Variants in OPLAH observed in about 807,000 individuals in gnomAD.
The protein encoded by OPLAH is 5-oxoprolinase.
OPLAH carries 103 observed loss-of-function variants against 122.8 expected under a neutral mutation model. That is an observed-to-expected ratio of 0.84 (90% CI 0.71 to 0.99). The LOEUF is 0.99. Among genes scored for constraint, OPLAH ranks in the 50% least tolerant of loss-of-function variants. The pLI is 0.00. For missense variants in OPLAH, 1,902 were observed against 1,836.5 expected (o/e 1.04, Z -0.65); for synonymous variants, 875 against 796.0 (o/e 1.10, Z -1.67).
In OPLAH at chr8:144,052,766, C is replaced by T. The variant is rs2129754654; in HGVS notation, c.3153G>A (p.Gln1051=). The T allele has an allele frequency of 6.4e-7, 1 of 1,566,484 alleles. No individual in the cohort carries two copies. Among genetic ancestry groups the T allele is most frequent in the East Asian group, 2.4e-5 (1 of 41,732 alleles). Residue 1051 remains glutamine, a splice_region_variant and synonymous_variant, in exon 22 of 27, where the codon CAG becomes CAA. Coordinates refer to ENST00000618853, the MANE Select transcript of OPLAH (RefSeq NM_017570.5). ...CCCTCGCGCACACACCCCTGCGAAC[C>T]TGGTTGAGTGGGATGTCGCGGCCCA... ...CLVGRDIPLN[Q]GCLAPVRVVI...
At chr8:144,061,888 C>T (rs1835669651), upstream of OPLAH, among the ~76,000 whole-genome samples, 1 of 151,846 alleles carries the variant, frequency 6.6e-6, no homozygotes, top group Admixed American at 6.6e-5. Context: ...GGCGTGGTGG[C>T]ACGCACTTGT....
intron 12 of OPLAH, 66 bp from the exon 13 acceptor site, chr8:144,056,821 C>A: frequency 6.5e-7 from 1 of 1,534,910 alleles, no homozygotes; most frequent in Non-Finnish European, 8.8e-7. Flanking sequence ...ACCCAGCGCC[C>A]GGCAAGGACA....
chr8:144,051,482 C>CGGGGGTGGGGGG lies in OPLAH; in HGVS notation c.3721-11_3721-10insCCCCCCACCCCC. On this transcript the variant is annotated splice_polypyrimidine_tract_variant and intron_variant, in intron 26 of 26. Transcript: ENST00000618853. ...GGAGACAGAACACATCCTGTTGGCGCGGGGGGGGGCGGGGAGGCGGGCTCA... is the reference window on the plus strand; with the variant it reads ...GGAGACAGAACACATCCTGTTGGCGCGGGGGTGGGGGGGGGGGGGGGCGGGGAGGCGGGCTCA... The CGGGGGTGGGGGG allele has an allele frequency of 3.6e-6, 1 of 278,326 alleles. No individual in the cohort carries two copies. The highest frequency in any genetic ancestry group is 5.1e-6 in the Non-Finnish European group (1 of 197,922). 17.2% of individuals were successfully genotyped at this position (278,326 alleles called of 1,614,324 possible). A position where few individuals can be genotyped will look rare whatever the true frequency, so the allele number is the denominator to read the frequency against.
Position 144,056,891 on chromosome 8 carries a change from C to T in OPLAH, c.1706+57G>A, listed in dbSNP as rs1295651254. 5 of 1,524,420 alleles carry T rather than the reference C, an allele frequency of 3.3e-6. No homozygotes were observed. The African/African-American group carries it at 6.9e-5, about 21-fold the overall frequency. The allele number at this position is 1,524,420 out of a possible 1,614,324, so 94.4% of individuals were successfully genotyped here. On this transcript the variant is annotated intron_variant, in intron 12 of 26. Transcript: ENST00000618853. Reference sequence around the variant, plus strand: ...GGGAAGTCATCAGGAGGAACACCCACCAAGGGCGTGGTGAGGACAACGTAA... The same window carrying T: ...GGGAAGTCATCAGGAGGAACACCCATCAAGGGCGTGGTGAGGACAACGTAA...
chr8:144,058,475 G>C, intron 6 of OPLAH, 21 bp downstream of exon 6: 1 of 1,576,396 alleles, frequency 6.3e-7, no homozygotes, highest in Non-Finnish European at 8.6e-7. Context: ...AGTGGGCAGT[G>C]GGGGTGCCTC....
At chr8:144,059,824 C>A in intron 2 of OPLAH, 34 bp from the exon 3 acceptor site, 2 of 1,610,770 alleles carry the variant, frequency 1.2e-6, no homozygotes, top group Non-Finnish European at 1.7e-6. Flanking sequence ...GGGCTTCTGG[C>A]CGTGGGGTCC....
Position 144,052,938 on chromosome 8 carries a change from C to G in OPLAH, c.3019-38G>C, listed in dbSNP as rs782109932. 1.5e-5 allele frequency: 23 copies of G among 1,570,334 alleles called. No individual in the cohort carries two copies. The Admixed American group carries it at 3.2e-4, about 22-fold the overall frequency. ...AGGGAAGGGAGAGGCTGTCAGCGGC[C>G]GCACCGTGCCCCTGCCGCCTAGAGG... On this transcript the variant is annotated intron_variant, in intron 21 of 26. Coordinates refer to ENST00000618853, the MANE Select transcript of OPLAH (RefSeq NM_017570.5).
rs782072624 is a variant in OPLAH, at chr8:144,057,351, C to T, written c.1423-31G>A. On this transcript the variant is annotated intron_variant, in intron 10 of 26. Coordinates refer to ENST00000618853, the MANE Select transcript of OPLAH (RefSeq NM_017570.5). Reference sequence around the variant, plus strand: ...GAGACAGAAGGGGTCAGTGGGCTCTCCTACTCTACCCCATCCAGCCCCCAG... The same window carrying T: ...GAGACAGAAGGGGTCAGTGGGCTCTTCTACTCTACCCCATCCAGCCCCCAG... 2.5e-6 allele frequency: 4 copies of T among 1,592,966 alleles called. No individual in the cohort carries two copies. In the South Asian group the frequency reaches 3.4e-5, roughly 14 times the overall value.
At chr8:144,050,878 T>C (rs1835356275), downstream of OPLAH, 6 of 996,706 alleles carry the variant, frequency 6.0e-6, no homozygotes, top group Non-Finnish European at 7.2e-6. Flanking sequence ...GACCTGGATG[T>C]AGGCACTGCC....
Position 144,059,935 on chromosome 8 carries a change from A to C in OPLAH, c.98T>G (p.Leu33Ter). The C allele has an allele frequency of 6.2e-7, 1 of 1,612,788 alleles. No individual in the cohort carries two copies. Residue 33 changes from leucine to a stop codon, truncating the protein, a stop_gained, in exon 2 of 27, where the codon TTA (leucine) becomes TGA (stop). Transcript: ENST00000618853. LOFTEE classifies it high-confidence loss of function. ...GGCAGGGTCCTCTGAGAGCAGTTTT[A>C]AGACCCGCACGTGCCCCCCTGGGCA... ...AQCPGGHVRV[L>*]KLLSEDPANY...
chr8:144,050,765 G>A (rs782398008), downstream of OPLAH: 9 of 986,762 alleles, frequency 9.1e-6, 1 homozygote, highest in South Asian at 9.3e-5. Flanking sequence ...TGAGGCTCTG[G>A]CTGATGCCGC....
chr8:144,058,153 C>T lies in OPLAH; in HGVS notation c.950-5G>A, dbSNP rs1413020364. ...GGCTCACATCCGTGGACGTGCCTGGCAGGGGTGGGGTGCTGGTGGGTCACT... is the reference window on the plus strand; with the variant it reads ...GGCTCACATCCGTGGACGTGCCTGGTAGGGGTGGGGTGCTGGTGGGTCACT... On this transcript the variant is annotated splice_polypyrimidine_tract_variant and splice_region_variant and intron_variant, in intron 7 of 26. Coordinates refer to ENST00000618853, the MANE Select transcript of OPLAH (RefSeq NM_017570.5). 1 of 1,611,978 alleles carries T rather than the reference C, an allele frequency of 6.2e-7. No homozygotes were observed. The highest frequency in any genetic ancestry group is 1.3e-5 in the African/African-American group (1 of 74,888).
Position 144,059,926 on chromosome 8 carries a change from A to G in OPLAH, c.107T>C (p.Leu36Pro), listed in dbSNP as rs1554760507. Residue 36 changes from leucine (L) to proline (P), a missense_variant, in exon 2 of 27, where the codon CTC (leucine) becomes CCC (proline). Leu to Pro is a moderately conservative substitution (Grantham distance 98). This residue lies in a region of OPLAH where 168 missense variants were observed against 170.6 expected (regional missense o/e 0.98). Coordinates refer to ENST00000618853, the MANE Select transcript of OPLAH (RefSeq NM_017570.5). ...CGCATAGTTGGCAGGGTCCTCTGAG[A>G]GCAGTTTTAAGACCCGCACGTGCCC... ...PGGHVRVLKLLSEDPANYADA... is the reference protein window; with the variant it reads ...PGGHVRVLKLPSEDPANYADA... 2 of 1,612,788 alleles carry G rather than the reference A, an allele frequency of 1.2e-6. No individual in the cohort carries two copies. Among genetic ancestry groups the G allele is most frequent in the South Asian group, 1.1e-5 (1 of 91,090 alleles).
chr8:144,051,922 G>A lies in OPLAH; in HGVS notation c.3616C>T (p.Leu1206Phe). Residue 1206 changes from leucine (L) to phenylalanine (F), a missense_variant, in exon 25 of 27, where the codon CTC becomes TTC. Physicochemically the swap from Leu to Phe is conservative, Grantham distance 22. Around this residue, in one of 3 missense-constraint regions of OPLAH, gnomAD observed 1,726 missense variants for 1,642.1 expected, o/e 1.05. Transcript: ENST00000618853. ...GGGCTGGGGAACCGCGCACCGTGGAGCCCGTATGGCCGGAAGGCGCGGCGC... is the reference window on the plus strand; with the variant it reads ...GGGCTGGGGAACCGCGCACCGTGGAACCCGTATGGCCGGAAGGCGCGGCGC... ...TERRAFRPYG[L>F]HGGEPGARGL... The A allele has an allele frequency of 6.5e-7, 1 of 1,534,032 alleles. No homozygotes were observed. The highest frequency in any genetic ancestry group is 2.4e-5 in the East Asian group (1 of 40,872).
At position 144,053,241 on chromosome 8, in the gene OPLAH, C is replaced by T; in HGVS notation, c.2839G>A (p.Asp947Asn). The change falls in exon 20 of 27, where the codon GAC (aspartate) becomes AAC (asparagine). Residue 947 changes from aspartate to asparagine, a missense_variant. This residue lies in a region of OPLAH where 1,726 missense variants were observed against 1,642.1 expected (regional missense o/e 1.05). Coordinates refer to ENST00000618853, the MANE Select transcript of OPLAH (RefSeq NM_017570.5). ...TGGCCCATGTAGGCCTGCACCACGT[C>T]CAGGCCGTACTGCCCAATGAGCTCC... ...VGELIGQYGL[D>N]VVQAYMGHIQ... The T allele has an allele frequency of 1.2e-6, 2 of 1,612,918 alleles. No homozygotes were observed. The highest frequency in any genetic ancestry group is 8.5e-7 in the Non-Finnish European group (1 of 1,179,812).
chr8:144,057,329 A>G lies in OPLAH; in HGVS notation c.1423-9T>C. The G allele has an allele frequency of 6.2e-7, 1 of 1,608,884 alleles. No individual in the cohort carries two copies. Among genetic ancestry groups the G allele is most frequent in the Non-Finnish European group, 8.5e-7 (1 of 1,178,248 alleles). On this transcript the variant is annotated splice_polypyrimidine_tract_variant and intron_variant, in intron 10 of 26. Coordinates refer to ENST00000618853, the MANE Select transcript of OPLAH (RefSeq NM_017570.5). ...GGGTCATGGCCTCTTGCCTAGGGAG[A>G]CAGAAGGGGTCAGTGGGCTCTCCTA...
chr8:144,058,849 C>A lies in OPLAH; in HGVS notation c.511G>T (p.Ala171Ser). The A allele has an allele frequency of 1.9e-6, 3 of 1,574,360 alleles. No individual in the cohort carries two copies. The highest frequency in any genetic ancestry group is 2.6e-6 in the Non-Finnish European group (3 of 1,161,122). ...LEVQQPVDLG[A>S]LRGKLEGLLS... ...AGCCCCTCCAGCTTCCCACGCAGGGCCCCCAGGTCCACAGGCTGCTGCACT... is the reference window on the plus strand; with the variant it reads ...AGCCCCTCCAGCTTCCCACGCAGGGACCCCAGGTCCACAGGCTGCTGCACT... The change falls in exon 5 of 27, where the codon GCC becomes TCC. Residue 171 changes from alanine to serine, a missense_variant. Coordinates refer to ENST00000618853, the MANE Select transcript of OPLAH (RefSeq NM_017570.5).
At position 144,055,846 on chromosome 8, in the gene OPLAH, G is replaced by T; in HGVS notation, c.2190C>A (p.Gly730=). ...SVGAEVPGTV[G]PQLDPIQLSI... is the part of the protein sequence containing the mutation. The stretch of plus-strand genomic sequence containing the variant: ...ACAGCTGGATAGGGTCCAGCTGGGG[G>T]CCCACTGTGCCGGGGACTTCGGCCC... Residue 730 remains glycine (G), a synonymous_variant, in exon 16 of 27, where the codon GGC becomes GGA. Coordinates refer to ENST00000618853, the MANE Select transcript of OPLAH (RefSeq NM_017570.5). This position sits in a 1 kb window ranked among gnomAD's most constrained non-coding sequence, Gnocchi z 6.5. 1 of 1,575,346 alleles carries T rather than the reference G, an allele frequency of 6.3e-7. No homozygotes were observed. The highest frequency in any genetic ancestry group is 8.6e-7 in the Non-Finnish European group (1 of 1,161,184).
Position 144,056,394 on chromosome 8 carries a change from C to T in OPLAH, c.1974G>A (p.Arg658=). ...DAPKAQTGPP[R]VDKMTQCYFE... is the part of the protein sequence containing the mutation. ...AGGCAGGACCACCAACCTTGTCCAC[C>T]CGGGGAGGCCCGGTCTGGGCTTTGG... The change falls in exon 14 of 27, where the codon CGG becomes CGA. Residue 658 remains arginine (R), a synonymous_variant. Transcript: ENST00000618853. The T allele has an allele frequency of 6.2e-7, 1 of 1,604,590 alleles. No individual in the cohort carries two copies. Among genetic ancestry groups the T allele is most frequent in the South Asian group, 1.1e-5 (1 of 90,256 alleles).
Sources: allele counts gnomAD v4.1 joint callset (sites outside exome capture counted in the v4.1 genomes callset), GRCh38; gene constraint gnomAD v4.1.1; regional missense constraint gnomAD v4.1.1; non-coding constraint Gnocchi (gnomAD v3.1); transcripts MANE v1.5; gene names NCBI Gene and HGNC (gene_info 2026-07-23, HGNC 2026-07-21).